The following SYMPK variants were observed in gnomAD, a reference collection of about 807,000 sequenced individuals.
The protein encoded by SYMPK is symplekin scaffold protein.
In SYMPK, 49 loss-of-function variants were observed where a neutral mutation model predicts 136.4. The observed-to-expected ratio is 0.36, with a 90% CI of 0.29 to 0.46. The LOEUF is 0.46. SYMPK is among the 20% of genes least tolerant of loss of function. SYMPK has a pLI of 1.00. For missense variants in SYMPK, 1,365 were observed against 1,690.0 expected (o/e 0.81, Z 3.37); for synonymous variants, 766 against 713.0 (o/e 1.07, Z -1.19).
chr19:45,849,992 C>T (rs1017970992), intron 5 of SYMPK, among the ~76,000 whole-genome samples: 5 of 152,060 alleles, frequency 3.3e-5, no homozygotes, highest in Non-Finnish European at 7.4e-5. Context: ...TTGCAGTTAG[C>T]CGAGATCGCA....
chr19:45,854,139 C>T (rs1340028838), intron 3 of SYMPK, 36 bp downstream of exon 3: 2 of 1,607,990 alleles, frequency 1.2e-6, no homozygotes, highest in South Asian at 1.1e-5. Context: ...TCCTCCCTTT[C>T]ACCTGCTCAG....
Position 45,821,365 on chromosome 19 carries a change from T to C in SYMPK, c.2893+19A>G. On this transcript the variant is annotated intron_variant, in intron 22 of 26. Coordinates refer to ENST00000245934, the MANE Select transcript of SYMPK (RefSeq NM_004819.3). This position sits in a 1 kb window ranked among gnomAD's most constrained non-coding sequence, Gnocchi z 4.4. ...CGTCGCAGGGGCCAGGCCACTGGAG[T>C]GGGGGGGAAGCGCCTCACCTTTGAT... is the stretch of plus-strand genomic sequence containing the variant. 1 of 1,594,288 alleles carries C rather than the reference T, an allele frequency of 6.3e-7. No individual in the cohort carries two copies. Among genetic ancestry groups the C allele is most frequent in the Non-Finnish European group, 8.6e-7 (1 of 1,164,864 alleles).
chr19:45,859,326 G>A (rs189700756), intron 1 of SYMPK, among the ~76,000 whole-genome samples: 29 of 151,014 alleles, frequency 1.9e-4, no homozygotes, highest in Admixed American at 4.0e-4. Context: ...GGCATGGTGT[G>A]GTGGCTCACT....
At chr19:45,838,179 A>G (rs1040790676) in intron 10 of SYMPK, among the ~76,000 whole-genome samples, 1 of 151,792 alleles carries the variant, frequency 6.6e-6, no homozygotes, top group Admixed American at 6.6e-5. Context: ...CTGCTCCCCA[A>G]CACTCCCTTT....
intron 11 of SYMPK, among the ~76,000 whole-genome samples, chr19:45,834,009 C>T (rs529887783): frequency 2.0e-5 from 3 of 152,056 alleles, no homozygotes; most frequent in South Asian, 2.1e-4. Context: ...AAACTAGGGC[C>T]GGGTGCACTG....
At chr19:45,858,811 G>A (rs1304678696) in intron 1 of SYMPK, among the ~76,000 whole-genome samples, 2 of 151,886 alleles carry the variant, frequency 1.3e-5, no homozygotes, top group Admixed American at 6.6e-5. Flanking sequence ...CACCGCGCCC[G>A]GCCGACGACC....
chr19:45,821,361 G>A lies in SYMPK; in HGVS notation c.2893+23C>T, dbSNP rs773977298. On this transcript the variant is annotated intron_variant, in intron 22 of 26. Coordinates refer to ENST00000245934, the MANE Select transcript of SYMPK (RefSeq NM_004819.3). The surrounding 1 kb of genome is among the most constrained non-coding windows in gnomAD (Gnocchi z 4.4). ...CTGGCGTCGCAGGGGCCAGGCCACT[G>A]GAGTGGGGGGGAAGCGCCTCACCTT... The A allele has an allele frequency of 2.5e-6, 4 of 1,594,392 alleles. No homozygotes were observed. In the South Asian group the frequency reaches 3.3e-5, roughly 13 times the overall value.
chr19:45,862,170 T>C (rs1474765737), intron 1 of SYMPK: 1 of 152,160 alleles, frequency 6.6e-6, no homozygotes, highest in Non-Finnish European at 1.5e-5. Flanking sequence ...CCTCATTCCT[T>C]TTTAGAGTTG....
At position 45,821,613 on chromosome 19, in the gene SYMPK, CAG is replaced by C. The variant is rs1373601633; in HGVS notation, c.2792-130_2792-129del. On this transcript the variant is annotated intron_variant, in intron 21 of 26. Coordinates refer to ENST00000245934, the MANE Select transcript of SYMPK (RefSeq NM_004819.3). The surrounding 1 kb of genome is among the most constrained non-coding windows in gnomAD (Gnocchi z 4.4). ...GTGCCCTCTGCTTTCAGGGCTGGAA[CAG>C]GGGAAGCGACTGACAACATAAAAAG... 3.0e-6 allele frequency: 2 copies of C among 673,208 alleles called. No homozygotes were observed. Among genetic ancestry groups the C allele is most frequent in the Non-Finnish European group, 5.2e-6 (2 of 383,898 alleles). The allele number at this position is 673,208 out of a possible 1,614,324, so 41.7% of individuals were successfully genotyped here.
chr19:45,834,961 C>T, intron 11 of SYMPK, 117 bp downstream of exon 11: 1 of 976,694 alleles, frequency 1.0e-6, no homozygotes, highest in Non-Finnish European at 1.4e-6. Flanking sequence ...TCATTATCTA[C>T]ACCTTAGCTC....
chr19:45,850,109 G>A (rs1971664087), intron 5 of SYMPK, among the ~76,000 whole-genome samples: 1 of 152,044 alleles, frequency 6.6e-6, no homozygotes, highest in Admixed American at 6.6e-5. Context: ...GCTGGGTGTG[G>A]TGGCAGGCAC....
intron 3 of SYMPK, among the ~76,000 whole-genome samples, chr19:45,852,832 G>C (rs896362658): frequency 6.6e-6 from 1 of 152,154 alleles, no homozygotes; most frequent in Non-Finnish European, 1.5e-5. Flanking sequence ...CATGACACAG[G>C]AGGGGGCTGA....
At position 45,823,878 on chromosome 19, in the gene SYMPK, A is replaced by G. The variant is rs1970968780; in HGVS notation, c.2491-3T>C. ...GAGTTCATGCCCATTCCTCGGATCT[A>G]GAGGCAGAGACAGGGATGACCAGAC... On this transcript the variant is annotated splice_region_variant and splice_polypyrimidine_tract_variant and intron_variant, in intron 18 of 26. Transcript: ENST00000245934. 6.2e-7 allele frequency: 1 copy of G among 1,612,708 alleles called. No individual in the cohort carries two copies. The highest frequency in any genetic ancestry group is 1.7e-5 in the Admixed American group (1 of 59,978).
Position 45,835,187 on chromosome 19 carries a change from G to A in SYMPK, c.1284C>T (p.Ala428=), listed in dbSNP as rs1187673413. The A allele has an allele frequency of 6.2e-7, 1 of 1,611,644 alleles. No individual in the cohort carries two copies. The highest frequency in any genetic ancestry group is 8.5e-7 in the Non-Finnish European group (1 of 1,178,852). The change falls in exon 11 of 27, where the codon GCC becomes GCT. Residue 428 remains alanine (A), a synonymous_variant. Coordinates refer to ENST00000245934, the MANE Select transcript of SYMPK (RefSeq NM_004819.3). ...SMVYLPEAMP[A]SFQAIYTPVE... is the part of the protein sequence containing the mutation. ...CGGGGGTGTAGATGGCCTGGAAGGA[G>A]GCTGGCATGGCCTCGGGTAGGTACA...
rs1322967952 is a variant in SYMPK, at chr19:45,821,037, C to T, written c.2893+347G>A. ...GTCTGCCCTGCTGCTGCGCCTCTACCACTCACGGTGTGCCCTGCTTCCTTC... is the reference window on the plus strand; with the variant it reads ...GTCTGCCCTGCTGCTGCGCCTCTACTACTCACGGTGTGCCCTGCTTCCTTC... On this transcript the variant is annotated intron_variant, in intron 22 of 26. Transcript: ENST00000245934. This position sits in a 1 kb window ranked among gnomAD's most constrained non-coding sequence, Gnocchi z 4.4. 6.6e-6 allele frequency: 4 copies of T among 609,580 alleles called. No homozygotes were observed. Among genetic ancestry groups the T allele is most frequent in the African/African-American group, 1.9e-5 (1 of 53,954 alleles). The allele number at this position is 609,580 out of a possible 1,614,324, so 37.8% of individuals were successfully genotyped here.
At chr19:45,849,348 G>T (rs1470854070) in intron 5 of SYMPK, among the ~76,000 whole-genome samples, 1 of 152,056 alleles carries the variant, frequency 6.6e-6, no homozygotes, top group Non-Finnish European at 1.5e-5. Context: ...CACTAGTTTT[G>T]CTTGCCTCAG....
rs150537471 is a variant in SYMPK, at chr19:45,817,350, C to T, written c.3082-376G>A. 2.2e-4 allele frequency among the ~76,000 whole-genome samples: 34 copies of T among 151,146 alleles called. No individual in the cohort carries two copies. In the East Asian group the frequency reaches 6.4e-3, roughly 29 times the overall value. On this transcript the variant is annotated intron_variant, in intron 23 of 26. Transcript: ENST00000245934. ...CGGTGCCGGGACCTGTCCTGGGTCA[C>T]ATGTACATTCTCACCGCAGCCTCCA... is the stretch of plus-strand genomic sequence containing the variant.
At chr19:45,831,356 C>G (rs777928718) in intron 12 of SYMPK, 28 bp downstream of exon 12, 42 of 1,494,084 alleles carry the variant, frequency 2.8e-5, no homozygotes, top group Non-Finnish European at 3.6e-5. Flanking sequence ...GGCTCCTGTC[C>G]TGCCCTAGCA....
intron 5 of SYMPK, among the ~76,000 whole-genome samples, chr19:45,850,214 C>T (rs965646792): frequency 2.0e-5 from 3 of 152,042 alleles, no homozygotes; most frequent in African/African-American, 7.2e-5. Flanking sequence ...CACTGCACCC[C>T]AGTCTGGCCG....
Sources: allele counts gnomAD v4.1 joint callset (sites outside exome capture counted in the v4.1 genomes callset), GRCh38; gene constraint gnomAD v4.1.1; non-coding constraint Gnocchi (gnomAD v3.1); transcripts MANE v1.5; gene names NCBI Gene and HGNC (gene_info 2026-07-23, HGNC 2026-07-21).